HMGXB3: variants seen among roughly 807,000 people sequenced by gnomAD.
The protein encoded by HMGXB3 is HMG-box containing 3.
A neutral mutation model predicts 121.5 loss-of-function variants in HMGXB3; 45 were observed. The ratio of observed to expected loss-of-function variants is 0.37; its 90% CI spans 0.29 to 0.47. The LOEUF is 0.47. Ranked by LOEUF, HMGXB3 falls within the 20% of genes least tolerant of loss-of-function variation. HMGXB3 has a pLI of 0.99. For missense variants in HMGXB3, 1,376 were observed against 1,602.2 expected, an observed-to-expected ratio of 0.86 and a Z score of 2.41; for synonymous variants, 590 against 624.1, an observed-to-expected ratio of 0.95 and a Z score of 0.81.
intron 10 of HMGXB3, among the ~76,000 whole-genome samples, chr5:150,031,760 T>C (rs1756385971): frequency 6.6e-6 from 1 of 152,206 alleles, no homozygotes; most frequent in South Asian, 2.1e-4. Context: ...ATTGAGCACA[T>C]ATTCTGTACT....
At chr5:150,034,728 A>G (rs1561875934) in intron 11 of HMGXB3, among the ~76,000 whole-genome samples, 1 of 152,150 alleles carries the variant, frequency 6.6e-6, no homozygotes, top group East Asian at 1.9e-4. Flanking sequence ...AACCACAGGG[A>G]TCTTCTTGTG....
intron 6 of HMGXB3, among the ~76,000 whole-genome samples, chr5:150,023,644 C>T (rs1756155284): frequency 6.6e-6 from 1 of 152,310 alleles, no homozygotes; most frequent in African/African-American, 2.4e-5. Flanking sequence ...TAGCAGCTGC[C>T]ATTTTTAGTG....
At chr5:150,012,637 T>C (rs570220585) in intron 5 of HMGXB3, among the ~76,000 whole-genome samples, 49 of 152,308 alleles carry the variant, frequency 3.2e-4, no homozygotes, top group Non-Finnish European at 5.3e-4. Context: ...CCATGACTTT[T>C]ATAAAATTTT....
At chr5:150,006,682 T>C in intron 3 of HMGXB3, 35 bp downstream of exon 3, 1 of 1,537,982 alleles carries the variant, frequency 6.5e-7, no homozygotes, top group Non-Finnish European at 8.8e-7. Flanking sequence ...TTTTTTCCAC[T>C]GGTTCAGTGA....
rs1378544905 is a variant in HMGXB3 at position 150,052,950 on chromosome 5, G to A, written c.*758G>A. 4 of 153,876 alleles carry A rather than the reference G, an allele frequency of 2.6e-5. No individual in the cohort carries two copies. The highest frequency in any genetic ancestry group is 4.3e-5 in the Non-Finnish European group (3 of 69,066). 9.5% of individuals were successfully genotyped at this position (153,876 alleles called of 1,614,324 possible). On this transcript the variant is annotated 3_prime_UTR_variant, in exon 20 of 20. Transcript: ENST00000502717. ...GTCATGACATAACCTAGCAGCAGTA[G>A]GAAAAACTCCCTTCTATGAAGGGGA...
At chr5:150,044,619 C>G (rs1193369608) in intron 15 of HMGXB3, among the ~76,000 whole-genome samples, 1 of 152,172 alleles carries the variant, frequency 6.6e-6, no homozygotes, top group Admixed American at 6.5e-5. Flanking sequence ...GCATTTCTAA[C>G]AAGTTGTCAG....
At position 150,045,915 on chromosome 5, in the gene HMGXB3, G is replaced by A. The variant is rs143424883; in HGVS notation, c.2950+230G>A. ...ACATAGCAGGGGCGCACAGCTCATT[G>A]TCAGCCTTCTGGGATACACACACTG... On this transcript the variant is annotated intron_variant, in intron 16 of 19. Transcript: ENST00000502717. 1.4e-3 allele frequency among the ~76,000 whole-genome samples: 208 copies of A among 152,304 alleles called. 2 individuals carry two copies. In the South Asian group the frequency reaches 0.035, roughly 26 times the overall value.
rs186497515 is a variant in HMGXB3, at chr5:150,030,756, T to G, written c.1750T>G (p.Ser584Ala). The G allele has an allele frequency of 1.9e-6, 3 of 1,551,910 alleles. No homozygotes were observed. Among genetic ancestry groups the G allele is most frequent in the Admixed American group, 2.0e-5 (1 of 50,978 alleles). ...PGEVKLPSGP[S>A]NRTSQVKVVE... ...TGATCCACAGCTACCAAGTGGCCCA[T>G]CCAACAGGACTTCTCAGGTGAAAGT... Residue 584 changes from serine to alanine, a missense_variant, in exon 10 of 20, where the codon TCC (serine) becomes GCC (alanine). Ser to Ala is a moderately conservative substitution (Grantham distance 99, BLOSUM62 1). Coordinates refer to ENST00000502717, the MANE Select transcript of HMGXB3 (RefSeq NM_014983.3).
rs375400628 is a variant in HMGXB3 at position 150,036,783 on chromosome 5, G to A, written c.2131G>A (p.Ala711Thr). Residue 711 changes from alanine to threonine, a missense_variant, in exon 12 of 20, where the codon GCC (alanine) becomes ACC (threonine). This residue lies in a region of HMGXB3 where 1,116 missense variants were observed against 1,369.0 expected (regional missense o/e 0.82). Coordinates refer to ENST00000502717, the MANE Select transcript of HMGXB3 (RefSeq NM_014983.3). ...ENESELAEVFALIHELNSSRL... is the reference protein window; with the variant it reads ...ENESELAEVFTLIHELNSSRL... ...TGAGTCAGAGCTGGCTGAGGTCTTC[G>A]CCTTGATTCATGAACTCAACAGCTC... 6.4e-5 allele frequency: 99 copies of A among 1,551,566 alleles called. No individual in the cohort carries two copies. The highest frequency in any genetic ancestry group is 5.6e-5 in the Non-Finnish European group (64 of 1,147,010).
chr5:150,040,096 C>G (rs558111561), intron 13 of HMGXB3, among the ~76,000 whole-genome samples: 4 of 152,214 alleles, frequency 2.6e-5, no homozygotes, highest in Admixed American at 2.6e-4. Flanking sequence ...AAGAGTGATA[C>G]CTTTGGTCCT....
intron 16 of HMGXB3, 79 bp downstream of exon 16, chr5:150,045,764 A>T (rs1191545061): frequency 8.6e-7 from 1 of 1,168,060 alleles, no homozygotes; most frequent in Admixed American, 2.0e-5. Context: ...GCAAGATAGC[A>T]CAGTGGTAGC....
At chr5:150,017,834 G>A (rs1412881680) in intron 5 of HMGXB3, among the ~76,000 whole-genome samples, 3 of 152,150 alleles carry the variant, frequency 2.0e-5, no homozygotes, top group African/African-American at 2.4e-5. Flanking sequence ...TGAATGAGTC[G>A]TTTTTATTTG....
intron 11 of HMGXB3, among the ~76,000 whole-genome samples, chr5:150,033,609 C>G (rs1471765937): frequency 1.3e-5 from 2 of 152,066 alleles, no homozygotes; most frequent in African/African-American, 4.8e-5. Flanking sequence ...TGAAAAGCAT[C>G]TTGGAACCAT....
rs374263371 is a variant in HMGXB3 at position 150,048,591 on chromosome 5, T to G, written c.3107T>G (p.Leu1036Trp). Reference sequence around the variant, plus strand: ...CAGGACCAGCTCTGCTTCTCCTTGTTGGCCCTCTACGAATCTGTACAGAAT... The same window carrying G: ...CAGGACCAGCTCTGCTTCTCCTTGTGGGCCCTCTACGAATCTGTACAGAAT... ...DSKDQLCFSLLALYESVQNGA... is the reference protein window; with the variant it reads ...DSKDQLCFSLWALYESVQNGA... Residue 1036 changes from leucine to tryptophan, a missense_variant, in exon 18 of 20, where the codon TTG becomes TGG. Transcript: ENST00000502717. 24 of 1,551,902 alleles carry G rather than the reference T, an allele frequency of 1.5e-5. No individual in the cohort carries two copies. Among genetic ancestry groups the G allele is most frequent in the Non-Finnish European group, 2.0e-5 (23 of 1,146,946 alleles).
chr5:150,015,159 G>A (rs774379710), intron 5 of HMGXB3: 4 of 307,814 alleles, frequency 1.3e-5, no homozygotes, highest in Non-Finnish European at 2.4e-5. Context: ...AGCAGGGCAC[G>A]ATGACAGTCG....
chr5:150,041,726 C>A, intron 14 of HMGXB3, 59 bp from the exon 15 acceptor site: 1 of 1,314,060 alleles, frequency 7.6e-7, no homozygotes, highest in Non-Finnish European at 1.1e-6. Flanking sequence ...ACTGGCTCAT[C>A]CCTAGTGGCT....
At chr5:150,011,573 G>GGTT (rs1554097618) in intron 4 of HMGXB3, among the ~76,000 whole-genome samples, 1 of 151,514 alleles carries the variant, frequency 6.6e-6, no homozygotes. Flanking sequence ...GCAACTAGCC[G>GGTT]GTTGTTGTTG....
At chr5:150,043,609 G>GT (rs1296696791) in intron 15 of HMGXB3, among the ~76,000 whole-genome samples, 2 of 152,222 alleles carry the variant, frequency 1.3e-5, no homozygotes, top group Admixed American at 1.3e-4. Context: ...TCTAGAGGCT[G>GT]TTTCCAGATT....
At position 150,036,823 on chromosome 5, in the gene HMGXB3, C is replaced by T; in HGVS notation, c.2171C>T (p.Ser724Phe). 1 of 1,551,712 alleles carries T rather than the reference C, an allele frequency of 6.4e-7. No individual in the cohort carries two copies. Among genetic ancestry groups the T allele is most frequent in the Non-Finnish European group, 8.7e-7 (1 of 1,147,000 alleles). The change falls in exon 12 of 20, where the codon TCC becomes TTC. Residue 724 changes from serine (S) to phenylalanine (F), a missense_variant. Ser to Phe is a radical substitution (Grantham distance 155, BLOSUM62 -2). Coordinates refer to ENST00000502717, the MANE Select transcript of HMGXB3 (RefSeq NM_014983.3). ...CTCAACAGCTCTCGACTTATCTTGT[C>T]CAACGTGAGTGAGGAGACAGTCACC... ...HELNSSRLIL[S>F]NVSEETVTIE...
Sources: gnomAD v4.1 joint callset for allele counts (sites outside exome capture counted in the v4.1 genomes callset) on GRCh38, gnomAD v4.1.1 for gene constraint, gnomAD v4.1.1 regional missense constraint, MANE v1.5 for transcripts, NCBI Gene and HGNC (gene_info 2026-07-23, HGNC 2026-07-21) for gene names.